SARDH: variants seen among roughly 807,000 people sequenced by gnomAD.
SARDH encodes the protein sarcosine dehydrogenase, mitochondrial.
In SARDH, 95 loss-of-function variants were observed where a neutral mutation model predicts 109.1. The observed-to-expected ratio is 0.87, with a 90% CI of 0.74 to 1.03. SARDH has a LOEUF of 1.03. SARDH is among the 50% of genes least tolerant of loss of function. The pLI, the probability that SARDH is intolerant of heterozygous loss-of-function variation, is 0.00. For synonymous variants in SARDH, 572 were observed against 534.8 expected, an observed-to-expected ratio of 1.07 and a Z score of -0.96; for missense variants, 1,267 against 1,287.8, an observed-to-expected ratio of 0.98 and a Z score of 0.25.
rs566618602 is a variant in SARDH at position 133,675,926 on chromosome 9, A to C, written c.2164-4229T>G. The stretch of plus-strand genomic sequence containing the variant: ...GGCAACATAGGGAGGCCCTGTCTCT[A>C]CAAAAAAAATTTTAGAATTAGCTGG... On this transcript the variant is annotated intron_variant, in intron 17 of 20. Transcript: ENST00000439388. Among the ~76,000 whole-genome samples the C allele has an allele frequency of 5.3e-5, 8 of 152,260 alleles. No individual in the cohort carries two copies. In the South Asian group the frequency reaches 1.7e-3, roughly 32 times the overall value.
At chr9:133,683,208 G>A (rs573316961) in intron 17 of SARDH, among the ~76,000 whole-genome samples, 5 of 152,340 alleles carry the variant, frequency 3.3e-5, no homozygotes, top group Non-Finnish European at 7.3e-5. Flanking sequence ...CCAGGAAAGG[G>A]CCAGCCCCAG....
intron 18 of SARDH, 83 bp from the exon 19 acceptor site, chr9:133,670,835 C>T: frequency 7.0e-7 from 1 of 1,437,694 alleles, no homozygotes. Context: ...CTGCCTAAAC[C>T]CACCCCCTCC....
intron 17 of SARDH, among the ~76,000 whole-genome samples, chr9:133,672,126 A>G (rs943237230): frequency 6.6e-6 from 1 of 152,166 alleles, no homozygotes; most frequent in African/African-American, 2.4e-5. Flanking sequence ...TCCACTCTCG[A>G]GGGAGCCTCC....
intron 6 of SARDH, among the ~76,000 whole-genome samples, chr9:133,721,380 A>G (rs1048869715): frequency 6.6e-6 from 1 of 152,270 alleles, no homozygotes; most frequent in African/African-American, 2.4e-5. Context: ...AATCGAGTGT[A>G]AGCAAAGAAT....
chr9:133,684,374 G>A (rs1830810310), intron 17 of SARDH, among the ~76,000 whole-genome samples: 1 of 152,238 alleles, frequency 6.6e-6, no homozygotes, highest in South Asian at 2.1e-4. Flanking sequence ...AGGATTACAT[G>A]GGAAAGTGTG....
chr9:133,726,671 T>A (rs1227085827), intron 6 of SARDH, among the ~76,000 whole-genome samples: 1 of 152,160 alleles, frequency 6.6e-6, no homozygotes, highest in African/African-American at 2.4e-5. Context: ...GCTCTGGCTG[T>A]CCCCAGTCTG....
chr9:133,718,385 T>C lies in SARDH; in HGVS notation c.1020+553A>G. The C allele has an allele frequency of 8.2e-6, 3 of 365,250 alleles. No homozygotes were observed. The highest frequency in any genetic ancestry group is 5.0e-6 in the Non-Finnish European group (1 of 199,748). The allele number at this position is 365,250 out of a possible 1,614,324, so 22.6% of individuals were successfully genotyped here. On this transcript the variant is annotated intron_variant, in intron 7 of 20. Transcript: ENST00000439388. This position sits in a 1 kb window ranked among gnomAD's most constrained non-coding sequence, Gnocchi z 4.2. Reference sequence around the variant, plus strand: ...CCGTGCCCAGCCATTTGTTTGTTTATTGTATGTCTCTCCACCAAAATATAG... The same window carrying C: ...CCGTGCCCAGCCATTTGTTTGTTTACTGTATGTCTCTCCACCAAAATATAG...
chr9:133,685,528 G>A (rs1830855308), intron 16 of SARDH, among the ~76,000 whole-genome samples: 1 of 152,222 alleles, frequency 6.6e-6, no homozygotes, highest in African/African-American at 2.4e-5. Flanking sequence ...CAGACTTGGA[G>A]ATAGCTCTAA....
downstream of SARDH, among the ~76,000 whole-genome samples, chr9:133,660,077 C>T (rs1308481548): frequency 6.9e-6 from 1 of 145,040 alleles, no homozygotes; most frequent in African/African-American, 2.5e-5. Flanking sequence ...ACCCCCCACT[C>T]ACACTCTTGC....
chr9:133,685,121 C>G, intron 17 of SARDH, 72 bp downstream of exon 17: 1 of 1,353,028 alleles, frequency 7.4e-7, no homozygotes, highest in Non-Finnish European at 1.0e-6. Flanking sequence ...CCCCAGCCCC[C>G]AGATCCCCCG....
downstream of SARDH, among the ~76,000 whole-genome samples, chr9:133,662,740 G>A (rs1306216262): frequency 1.3e-5 from 2 of 152,178 alleles, no homozygotes; most frequent in African/African-American, 4.8e-5. The surrounding 1 kb of genome is among the most constrained non-coding windows in gnomAD (Gnocchi z 5.1). Flanking sequence ...GGCTCTGTGG[G>A]GCCCCGGCTC....
chr9:133,736,547 C>A (rs912788727), intron 1 of SARDH, among the ~76,000 whole-genome samples: 45 of 152,180 alleles, frequency 3.0e-4, no homozygotes, highest in African/African-American at 1.1e-3. Context: ...AGGTGCATGC[C>A]ACCATGCCTG....
chr9:133,678,727 C>T (rs532491129), intron 17 of SARDH, among the ~76,000 whole-genome samples: 31 of 152,356 alleles, frequency 2.0e-4, no homozygotes, highest in African/African-American at 7.5e-4. Flanking sequence ...GTCCACACGG[C>T]TCCCCATTCT....
At position 133,735,135 on chromosome 9, in the gene SARDH, C is replaced by T. The variant is rs140230702; in HGVS notation, c.-30-932G>A. Among the ~76,000 whole-genome samples, 892 of 152,308 alleles carry T rather than the reference C, an allele frequency of 5.9e-3. 5 individuals carry two copies. Among genetic ancestry groups the T allele is most frequent in the Middle Eastern group, 0.014 (4 of 294 alleles). ...GCCTCGAGACGGGGCACCCAACCCC[C>T]AAGCCTGGAGCCAGCACCTCCTCCT... On this transcript the variant is annotated intron_variant, in intron 1 of 20. Transcript: ENST00000439388.
chr9:133,725,056 T>G (rs145741838), intron 6 of SARDH, among the ~76,000 whole-genome samples: 1 of 152,242 alleles, frequency 6.6e-6, no homozygotes, highest in African/African-American at 2.4e-5. Flanking sequence ...ATTATTCAGC[T>G]GCAAAAAAGA....
chr9:133,667,193 GGTTTTT>G, intron 19 of SARDH: 1 of 381,610 alleles, frequency 2.6e-6, no homozygotes, highest in East Asian at 4.4e-5. Flanking sequence ...GTTCAACTCT[GGTTTTT>G]TTTTTTTTTT....
At chr9:133,671,877 C>A (rs1009096784) in intron 17 of SARDH, among the ~76,000 whole-genome samples, 180 bp from the exon 18 acceptor site, 6 of 152,180 alleles carry the variant, frequency 3.9e-5, no homozygotes, top group African/African-American at 1.2e-4. Flanking sequence ...TCCAGCTGCT[C>A]TGGAAATCTT....
At chr9:133,703,147 C>T (rs983445444) in intron 12 of SARDH, 118 bp from the exon 13 acceptor site, 16 of 847,220 alleles carry the variant, frequency 1.9e-5, no homozygotes, top group Admixed American at 8.4e-5. Flanking sequence ...CCTCGGAGAG[C>T]CCTGCACTGA....
downstream of SARDH, chr9:133,663,499 G>C (rs935055065): frequency 1.2e-5 from 3 of 259,268 alleles, no homozygotes; most frequent in Admixed American, 5.2e-5. Flanking sequence ...AAGTGCCCCA[G>C]GGAAGCCCGC....
Sources: gnomAD v4.1 joint callset for allele counts (sites outside exome capture counted in the v4.1 genomes callset) on GRCh38, gnomAD v4.1.1 for gene constraint, Gnocchi (gnomAD v3.1) non-coding constraint, MANE v1.5 for transcripts, NCBI Gene and HGNC (gene_info 2026-07-23, HGNC 2026-07-21) for gene names.